Variants in ERBB4 observed in about 807,000 individuals in gnomAD.
ERBB4 encodes the protein receptor tyrosine-protein kinase erbB-4.
ERBB4 carries 42 observed loss-of-function variants against 158.0 expected under a neutral mutation model. The observed-to-expected ratio is 0.27, with a 90% CI of 0.21 to 0.34. The LOEUF (loss-of-function observed/expected upper bound fraction) is 0.34, where lower values mean the gene tolerates loss of function less well. Among genes scored for constraint, ERBB4 ranks in the 10% least tolerant of loss-of-function variants. The pLI, the probability that ERBB4 is intolerant of heterozygous loss-of-function variation, is 1.00. For synonymous variants in ERBB4, 583 were observed against 558.7 expected, an observed-to-expected ratio of 1.04 and a Z score of -0.61; for missense variants, 1,333 against 1,624.1, an observed-to-expected ratio of 0.82 and a Z score of 3.08.
intron 20 of ERBB4, among the ~76,000 whole-genome samples, chr2:211,500,724 G>T (rs191476100): frequency 1.2e-4 from 18 of 151,666 alleles, no homozygotes; most frequent in African/African-American, 2.2e-4. Context: ...TTCCAAACTG[G>T]TTTTTTTTGT....
Position 212,342,890 on chromosome 2 carries a change from T to C in ERBB4, c.82+195559A>G, listed in dbSNP as rs534831327. 2.8e-4 allele frequency among the ~76,000 whole-genome samples: 43 copies of C among 152,298 alleles called. No homozygotes were observed. The South Asian group carries it at 6.6e-3, about 24-fold the overall frequency. ...ATCTAACTTCTGATCTATGAGTAAA[T>C]AGGCCCAAACTTTTACATCTTCCAT... On this transcript the variant is annotated intron_variant, in intron 1 of 27. Transcript: ENST00000342788.
In ERBB4 at chr2:211,634,516, T is replaced by C. The variant is rs2070282241; in HGVS notation, c.1947-3922A>G. 2.6e-5 allele frequency among the ~76,000 whole-genome samples: 4 copies of C among 152,288 alleles called. No individual in the cohort carries two copies. In the South Asian group the frequency reaches 8.3e-4, roughly 32 times the overall value. ...TAGATATCTTTTTCTTGTTTGTTTT[T>C]TTCCTGAGAATTTATGCTTAGCTCC... is the stretch of plus-strand genomic sequence containing the variant. On this transcript the variant is annotated intron_variant, in intron 16 of 27. Transcript: ENST00000342788.
intron 20 of ERBB4, among the ~76,000 whole-genome samples, chr2:211,486,504 C>G (rs79107438): frequency 0.018 from 2,802 of 151,696 alleles, 102 homozygotes; most frequent in African/African-American, 0.064. Context: ...TGTAAAATAT[C>G]TAAGATGCAG....
chr2:212,308,881 A>G (rs2086912704), intron 1 of ERBB4, among the ~76,000 whole-genome samples: 1 of 151,002 alleles, frequency 6.6e-6, no homozygotes, highest in Non-Finnish European at 1.5e-5. Context: ...CTACATTAGA[A>G]TAGTTAACTA....
At chr2:211,531,407 A>G (rs1422994950) in intron 20 of ERBB4, among the ~76,000 whole-genome samples, 1 of 152,152 alleles carries the variant, frequency 6.6e-6, no homozygotes, top group Non-Finnish European at 1.5e-5. Context: ...AATATTTGCA[A>G]ACTATCCATC....
intron 2 of ERBB4, among the ~76,000 whole-genome samples, chr2:212,070,320 G>T (rs956538446): frequency 2.6e-5 from 4 of 151,920 alleles, no homozygotes; most frequent in Non-Finnish European, 5.9e-5. Flanking sequence ...AAAAATCTCC[G>T]ATGGCTTTCT....
chr2:212,251,620 A>G (rs1377732604), intron 1 of ERBB4, among the ~76,000 whole-genome samples: 1 of 151,994 alleles, frequency 6.6e-6, no homozygotes, highest in South Asian at 2.1e-4. Flanking sequence ...ATATGACAGA[A>G]AACTATACAG....
chr2:211,649,172 G>A (rs1415242217), intron 16 of ERBB4, among the ~76,000 whole-genome samples: 3 of 151,726 alleles, frequency 2.0e-5, no homozygotes, highest in Non-Finnish European at 4.4e-5. Context: ...CACAGAAGTA[G>A]GCTTAATAGC....
intron 1 of ERBB4, among the ~76,000 whole-genome samples, chr2:212,206,605 T>TTTTTTTTTTTA (rs2082759821): frequency 7.4e-6 from 1 of 134,238 alleles, no homozygotes; most frequent in East Asian, 2.5e-4. Context: ...TTTTTTTTTT[T>TTTTTTTTTTTA]GAGACGGAGT....
intron 20 of ERBB4, among the ~76,000 whole-genome samples, chr2:211,520,254 A>G (rs868424859): frequency 2.0e-5 from 3 of 152,170 alleles, no homozygotes; most frequent in Non-Finnish European, 1.5e-5. Flanking sequence ...TTATCAAAAG[A>G]CAACATTTTT....
intron 19 of ERBB4, among the ~76,000 whole-genome samples, chr2:211,562,291 A>G (rs1379439531): frequency 6.6e-6 from 1 of 152,218 alleles, no homozygotes; most frequent in African/African-American, 2.4e-5. Flanking sequence ...CAAAGTCTCT[A>G]CATGCATTAA....
intron 20 of ERBB4, among the ~76,000 whole-genome samples, chr2:211,474,758 A>AGCTTTGGTT (rs1416111686): frequency 2.6e-5 from 4 of 152,112 alleles, no homozygotes; most frequent in Admixed American, 6.6e-5. Context: ...GGTTATAGGT[A>AGCTTTGGTT]AAGCTTTGGT....
intron 19 of ERBB4, among the ~76,000 whole-genome samples, chr2:211,582,849 T>C (rs1416661899): frequency 6.6e-6 from 1 of 152,138 alleles, no homozygotes; most frequent in Non-Finnish European, 1.5e-5. Flanking sequence ...AAGCAAGTAT[T>C]TAAAGGTTCT....
At chr2:212,475,966 C>A (rs1689368216) in intron 1 of ERBB4, among the ~76,000 whole-genome samples, 1 of 152,042 alleles carries the variant, frequency 6.6e-6, no homozygotes, top group Admixed American at 6.6e-5. Flanking sequence ...CACAATACAG[C>A]AAGAGGGATC....
chr2:211,992,581 A>AAAC (rs2082105743), intron 2 of ERBB4, among the ~76,000 whole-genome samples: 1 of 149,838 alleles, frequency 6.7e-6, no homozygotes, highest in Non-Finnish European at 1.5e-5. Context: ...AAAAAAAAAA[A>AAAC]CATGAGTTTG....
intron 17 of ERBB4, among the ~76,000 whole-genome samples, chr2:211,624,421 A>G (rs1182193046): frequency 2.0e-5 from 3 of 152,134 alleles, no homozygotes; most frequent in Non-Finnish European, 4.4e-5. Context: ...AAAAAAACGC[A>G]CAATGCCAAA....
intron 1 of ERBB4, among the ~76,000 whole-genome samples, chr2:212,171,062 G>A (rs2081502897): frequency 6.6e-6 from 1 of 152,108 alleles, no homozygotes; most frequent in Non-Finnish European, 1.5e-5. Flanking sequence ...AAGCAGCCAG[G>A]AGGGGGAATA....
chr2:212,450,821 GAAAA>G (rs57931477), intron 1 of ERBB4, among the ~76,000 whole-genome samples: 1 of 92,852 alleles, frequency 1.1e-5, no homozygotes. Flanking sequence ...TTTCAGCCGA[GAAAA>G]AAAAAAAAAA....
chr2:211,565,957 T>C (rs1025983051), intron 19 of ERBB4, among the ~76,000 whole-genome samples: 1 of 152,168 alleles, frequency 6.6e-6, no homozygotes, highest in African/African-American at 2.4e-5. Context: ...ATCTCTTCCC[T>C]AGCTGCCCCA....
Sources: allele counts gnomAD v4.1 joint callset (sites outside exome capture counted in the v4.1 genomes callset), GRCh38; gene constraint gnomAD v4.1.1; transcripts MANE v1.5; gene names NCBI Gene and HGNC (gene_info 2026-07-23, HGNC 2026-07-21).